The following TRDN variants were observed in gnomAD, a reference collection of about 807,000 sequenced individuals.
The protein encoded by TRDN is triadin in skeletal muscle.
A neutral mutation model predicts 149.7 loss-of-function variants in TRDN; 161 were observed. The observed-to-expected ratio is 1.08, with a 90% CI of 0.95 to 1.23. The LOEUF (loss-of-function observed/expected upper bound fraction) is 1.23, where lower values mean the gene tolerates loss of function less well. Among genes scored for constraint, TRDN ranks in the 50% most tolerant of loss-of-function variants. TRDN has a pLI of 0.00. For synonymous variants in TRDN, 294 were observed against 250.5 expected (o/e 1.17, Z -1.64); for missense variants, 896 against 823.5 (o/e 1.09, Z -1.08).
chr6:123,493,260 A>T (rs1778299805), intron 9 of TRDN, among the ~76,000 whole-genome samples: 1 of 152,124 alleles, frequency 6.6e-6, no homozygotes, highest in African/African-American at 2.4e-5. Context: ...GATTCAATAC[A>T]ACCAAATGAG....
At position 123,217,278 on chromosome 6, in the gene TRDN, C is replaced by T. The variant is rs776533943; in HGVS notation, c.*1323G>A. ...GTTTTATATCTTGGTCCTAAAGAAC[C>T]GTAGTTAGTGGCAATCCTTGAAAAT... On this transcript the variant is annotated 3_prime_UTR_variant, in exon 41 of 41. Coordinates refer to ENST00000334268, the MANE Select transcript of TRDN (RefSeq NM_006073.4). 6 of 151,912 alleles carry T rather than the reference C, an allele frequency of 3.9e-5. No individual in the cohort carries two copies. Among genetic ancestry groups the T allele is most frequent in the Admixed American group, 6.6e-5 (1 of 15,214 alleles). 9.4% of individuals were successfully genotyped at this position (151,912 alleles called of 1,614,324 possible). A position where few individuals can be genotyped will look rare whatever the true frequency, so the allele number is the denominator to read the frequency against.
chr6:123,540,174 T>TC (rs1562374597), intron 4 of TRDN, among the ~76,000 whole-genome samples: 3 of 152,000 alleles, frequency 2.0e-5, no homozygotes, highest in African/African-American at 7.2e-5. Context: ...TGCATATTTC[T>TC]TCTCTCTGTC....
At chr6:123,577,442 T>A (rs1782913458) in intron 1 of TRDN, among the ~76,000 whole-genome samples, 1 of 152,170 alleles carries the variant, frequency 6.6e-6, no homozygotes, top group African/African-American at 2.4e-5. Flanking sequence ...GATAATAGCC[T>A]GCAGCTCCAT....
intron 38 of TRDN, among the ~76,000 whole-genome samples, chr6:123,228,882 G>T (rs9375233): frequency 0.25 from 37,853 of 151,744 alleles, 5,646 homozygotes; most frequent in Non-Finnish European, 0.34. Context: ...ATGAGAGGGG[G>T]TGCTAAATGT....
In TRDN at chr6:123,599,095, C is replaced by T. The variant is rs960882079; in HGVS notation, c.23-27963G>A. 3.9e-5 allele frequency among the ~76,000 whole-genome samples: 6 copies of T among 152,194 alleles called. No individual in the cohort carries two copies. In the East Asian group the frequency reaches 9.7e-4, roughly 25 times the overall value. On this transcript the variant is annotated intron_variant, in intron 1 of 40. Transcript: ENST00000334268. ...CTTAGCAATATGTCAGGCACAATAG[C>T]TGTTAACTCTTCCCTTTAATGACAA...
intron 4 of TRDN, among the ~76,000 whole-genome samples, chr6:123,534,276 C>T (rs1045802201): frequency 3.3e-5 from 5 of 152,164 alleles, no homozygotes; most frequent in Non-Finnish European, 7.3e-5. Context: ...TAAAGACATA[C>T]ACACACCTAC....
intron 5 of TRDN, among the ~76,000 whole-genome samples, chr6:123,519,000 C>A (rs1358781027): frequency 6.6e-6 from 1 of 152,184 alleles, no homozygotes; most frequent in African/African-American, 2.4e-5. Flanking sequence ...TTGAGCGTCT[C>A]TGCTTAGAGC....
intron 12 of TRDN, among the ~76,000 whole-genome samples, chr6:123,414,982 C>A (rs1280026349): frequency 6.6e-6 from 1 of 151,904 alleles, no homozygotes; most frequent in Non-Finnish European, 1.5e-5. Context: ...TTAAGGAGTC[C>A]TTTCTAATTC....
chr6:123,541,608 C>T (rs934236377), intron 4 of TRDN, among the ~76,000 whole-genome samples: 7 of 152,154 alleles, frequency 4.6e-5, no homozygotes, highest in African/African-American at 1.7e-4. Flanking sequence ...CTAAGCTCCT[C>T]ATGCAGCCTG....
chr6:123,320,304 T>G (rs1779195773), intron 23 of TRDN, among the ~76,000 whole-genome samples: 1 of 151,610 alleles, frequency 6.6e-6, no homozygotes, highest in African/African-American at 2.4e-5. Context: ...TATATTTTAT[T>G]GATATAATAT....
At chr6:123,238,243 C>A (rs1775859208) in intron 38 of TRDN, among the ~76,000 whole-genome samples, 1 of 152,094 alleles carries the variant, frequency 6.6e-6, no homozygotes, top group Admixed American at 6.6e-5. Flanking sequence ...TACAGATAGG[C>A]ACATACTGAT....
At chr6:123,436,310 G>GA (rs1774559957) in intron 12 of TRDN, among the ~76,000 whole-genome samples, 1 of 151,950 alleles carries the variant, frequency 6.6e-6, no homozygotes, top group Admixed American at 6.6e-5. Context: ...AGTTTTAAAA[G>GA]AAAATGAGTG....
intron 1 of TRDN, among the ~76,000 whole-genome samples, chr6:123,581,447 T>A (rs1057092071): frequency 2.6e-5 from 4 of 152,182 alleles, no homozygotes; most frequent in African/African-American, 9.7e-5. Context: ...GCATAGCACA[T>A]TTTGCACAGT....
intron 1 of TRDN, among the ~76,000 whole-genome samples, chr6:123,580,772 A>G (rs1317092138): frequency 6.6e-6 from 1 of 152,162 alleles, no homozygotes; most frequent in East Asian, 1.9e-4. Flanking sequence ...TATGTAAATA[A>G]AGCCTCAACC....
At chr6:123,621,854 G>A (rs1399127509) in intron 1 of TRDN, among the ~76,000 whole-genome samples, 1 of 152,162 alleles carries the variant, frequency 6.6e-6, no homozygotes, top group African/African-American at 2.4e-5. Context: ...CAAAGTGAGA[G>A]TCAAAGTATG....
chr6:123,612,753 A>G (rs1244294544), intron 1 of TRDN, among the ~76,000 whole-genome samples: 1 of 152,188 alleles, frequency 6.6e-6, no homozygotes, highest in African/African-American at 2.4e-5. Flanking sequence ...TTTTCTAAGG[A>G]AAATATTGAG....
intron 1 of TRDN, among the ~76,000 whole-genome samples, chr6:123,590,652 C>T (rs1783733939): frequency 6.6e-6 from 1 of 152,020 alleles, no homozygotes; most frequent in Admixed American, 6.6e-5. Flanking sequence ...GTCCCAACTA[C>T]TTGGGAGGCT....
intron 20 of TRDN, among the ~76,000 whole-genome samples, chr6:123,361,779 C>T (rs1210763353): frequency 1.3e-5 from 2 of 151,954 alleles, no homozygotes; most frequent in Non-Finnish European, 2.9e-5. Flanking sequence ...TCTGCAGTTA[C>T]TGAAGTTATT....
intron 20 of TRDN, among the ~76,000 whole-genome samples, chr6:123,356,147 C>A (rs983605852): frequency 9.9e-5 from 15 of 151,600 alleles, no homozygotes; most frequent in Admixed American, 4.6e-4. Flanking sequence ...ATGGAAAACC[C>A]ACTATGGTGT....
Sources: allele counts gnomAD v4.1 joint callset (sites outside exome capture counted in the v4.1 genomes callset), GRCh38; gene constraint gnomAD v4.1.1; transcripts MANE v1.5; gene names NCBI Gene and HGNC (gene_info 2026-07-23, HGNC 2026-07-21).